Variants in FILIP1L observed in about 807,000 individuals in gnomAD.
FILIP1L encodes filamin A interacting protein 1 like.
In FILIP1L, 55 loss-of-function variants were observed where a neutral mutation model predicts 96.6. The ratio of observed to expected loss-of-function variants is 0.57; its 90% confidence interval spans 0.46 to 0.71. FILIP1L has a LOEUF of 0.71. FILIP1L is among the 30% of genes least tolerant of loss of function. FILIP1L has a pLI of 0.00. For missense variants in FILIP1L, 1,304 were observed against 1,321.2 expected (o/e 0.99, Z 0.20); for synonymous variants, 467 against 473.9 (o/e 0.99, Z 0.19).
intron 1 of FILIP1L, among the ~76,000 whole-genome samples, chr3:99,969,353 G>T (rs532943135): frequency 1.1e-4 from 16 of 152,206 alleles, no homozygotes; most frequent in Non-Finnish European, 2.1e-4. Flanking sequence ...TAAAATAAGA[G>T]CAAGCTAAGC....
rs201865010 is a variant in FILIP1L, at chr3:99,829,235, T to C, written c.*1179A>G. 7.1e-6 allele frequency among the ~76,000 whole-genome samples: 1 copy of C among 140,126 alleles called. No homozygotes were observed. Among genetic ancestry groups the C allele is most frequent in the South Asian group, 2.3e-4 (1 of 4,380 alleles). 91.9% of individuals were successfully genotyped at this position (140,126 alleles called of 152,430 possible). A position where few individuals can be genotyped will look rare whatever the true frequency, so the allele number is the denominator to read the frequency against. On this transcript the variant is annotated 3_prime_UTR_variant, in exon 6 of 6. Coordinates refer to ENST00000477258, the MANE Select transcript of FILIP1L (RefSeq NM_001387850.1). ...TTTAGTGTCGTTCCATTGATTTTTT[T>C]CCCCCCTCGATTGAAGCTTTTTGAA...
intron 1 of FILIP1L, among the ~76,000 whole-genome samples, chr3:100,046,380 C>T (rs2065279501): frequency 6.6e-6 from 1 of 151,860 alleles, no homozygotes; most frequent in Admixed American, 6.6e-5. Context: ...TTAAAAGTAT[C>T]AGGTTGTTCA....
chr3:99,988,775 A>G (rs1445881646), intron 1 of FILIP1L, among the ~76,000 whole-genome samples: 1 of 152,184 alleles, frequency 6.6e-6, no homozygotes, highest in African/African-American at 2.4e-5. Context: ...TAGTATAATA[A>G]CACTTAAACT....
chr3:100,090,865 C>T (rs2066091497), intron 1 of FILIP1L, among the ~76,000 whole-genome samples: 1 of 152,140 alleles, frequency 6.6e-6, no homozygotes, highest in Non-Finnish European at 1.5e-5. Context: ...CTGCTTCATT[C>T]CATCCCATGT....
At chr3:99,952,458 G>A (rs993605648) in intron 1 of FILIP1L, among the ~76,000 whole-genome samples, 1 of 152,168 alleles carries the variant, frequency 6.6e-6, no homozygotes, top group Non-Finnish European at 1.5e-5. Flanking sequence ...CCAACTCTGA[G>A]AACCAGTGTA....
intron 1 of FILIP1L, among the ~76,000 whole-genome samples, chr3:100,070,797 A>G (rs1193258755): frequency 6.6e-6 from 1 of 152,046 alleles, no homozygotes; most frequent in African/African-American, 2.4e-5. Flanking sequence ...ATGCCTGGCT[A>G]ATTTTGTATT....
intron 1 of FILIP1L, among the ~76,000 whole-genome samples, chr3:99,980,709 T>TTGCACC (rs1377076557): frequency 6.6e-6 from 1 of 152,200 alleles, no homozygotes; most frequent in Non-Finnish European, 1.5e-5. Flanking sequence ...TTGGCAGAGC[T>TTGCACC]TGCACCCTGC....
At chr3:99,842,849 A>G (rs901468186) in intron 5 of FILIP1L, among the ~76,000 whole-genome samples, 2 of 152,180 alleles carry the variant, frequency 1.3e-5, no homozygotes, top group Non-Finnish European at 2.9e-5. Context: ...GTGTTAATTC[A>G]TTATCAAATT....
intron 1 of FILIP1L, among the ~76,000 whole-genome samples, chr3:100,038,137 G>A (rs2065142402): frequency 6.6e-6 from 1 of 151,962 alleles, no homozygotes; most frequent in South Asian, 2.1e-4. Context: ...TGTATTTTTA[G>A]TAGAGACAGA....
intron 3 of FILIP1L, among the ~76,000 whole-genome samples, chr3:99,926,777 G>A (rs910012820): frequency 6.6e-6 from 1 of 152,034 alleles, no homozygotes; most frequent in African/African-American, 2.4e-5. Flanking sequence ...GAAAATAGAA[G>A]GTTTATTTAA....
intron 4 of FILIP1L, among the ~76,000 whole-genome samples, chr3:99,877,616 A>G (rs778772013): frequency 1.3e-5 from 2 of 152,204 alleles, no homozygotes; most frequent in East Asian, 1.9e-4. Flanking sequence ...TTGATTTGCA[A>G]TTGTGTACTA....
intron 5 of FILIP1L, among the ~76,000 whole-genome samples, chr3:99,831,384 G>C (rs1942665404): frequency 6.6e-6 from 1 of 152,092 alleles, no homozygotes; most frequent in Non-Finnish European, 1.5e-5. Context: ...GGACTTACAG[G>C]TACTTTTGAT....
At chr3:99,839,934 C>T (rs1200282570) in intron 5 of FILIP1L, among the ~76,000 whole-genome samples, 6 of 152,130 alleles carry the variant, frequency 3.9e-5, no homozygotes, top group African/African-American at 1.4e-4. Context: ...CTTATAGAGT[C>T]ACTTGGTCCA....
intron 1 of FILIP1L, among the ~76,000 whole-genome samples, chr3:100,088,676 C>T (rs1011397552): frequency 2.6e-5 from 4 of 152,082 alleles, no homozygotes; most frequent in Admixed American, 2.6e-4. Flanking sequence ...TTTTTCTCCT[C>T]ATCACTCCCT....
chr3:100,112,035 C>T (rs1333148499), intron 1 of FILIP1L, among the ~76,000 whole-genome samples: 2 of 152,144 alleles, frequency 1.3e-5, no homozygotes, highest in African/African-American at 2.4e-5. Flanking sequence ...CGGGGCCTGG[C>T]ACAGAGTAGG....
chr3:99,956,480 G>GT (rs1708322599), intron 1 of FILIP1L, among the ~76,000 whole-genome samples: 1 of 152,180 alleles, frequency 6.6e-6, no homozygotes, highest in Non-Finnish European at 1.5e-5. Context: ...AGCCTCCCTA[G>GT]TAGCTGGGAT....
intron 1 of FILIP1L, among the ~76,000 whole-genome samples, chr3:100,065,602 A>G (rs2065650093): frequency 6.6e-6 from 1 of 152,198 alleles, no homozygotes. Flanking sequence ...TTCCTAATGA[A>G]AAAAGTATTC....
intron 1 of FILIP1L, among the ~76,000 whole-genome samples, chr3:99,960,922 A>G (rs766522886): frequency 5.9e-5 from 9 of 152,222 alleles, no homozygotes; most frequent in Non-Finnish European, 1.2e-4. Flanking sequence ...AGTGAAATGT[A>G]AAAAGAGTCT....
chr3:99,947,848 A>G (rs752854631), intron 1 of FILIP1L, among the ~76,000 whole-genome samples: 1 of 152,220 alleles, frequency 6.6e-6, no homozygotes, highest in Non-Finnish European at 1.5e-5. Flanking sequence ...ATATTTGTCC[A>G]AATAATTCAT....
Sources: allele counts gnomAD v4.1 joint callset (sites outside exome capture counted in the v4.1 genomes callset), GRCh38; gene constraint gnomAD v4.1.1; transcripts MANE v1.5; gene names NCBI Gene and HGNC (gene_info 2026-07-23, HGNC 2026-07-21).